MAP2K5: variants seen among roughly 807,000 people sequenced by gnomAD.
The protein encoded by MAP2K5 is mitogen-activated protein kinase kinase 5, also known as dual specificity mitogen-activated protein kinase kinase 5.
In MAP2K5, 49 loss-of-function variants were observed where a neutral mutation model predicts 83.1. That is an observed-to-expected ratio of 0.59 (90% CI 0.47 to 0.75). The LOEUF is 0.75. Ranked by LOEUF, MAP2K5 falls within the 30% of genes least tolerant of loss-of-function variation. The pLI is 0.00. For missense variants in MAP2K5, 457 were observed against 557.5 expected (o/e 0.82, Z 1.82); for synonymous variants, 202 against 191.8 (o/e 1.05, Z -0.44).
chr15:67,799,339 C>T (rs1161695139), intron 21 of MAP2K5, among the ~76,000 whole-genome samples: 1 of 152,252 alleles, frequency 6.6e-6, no homozygotes, highest in Non-Finnish European at 1.5e-5. Flanking sequence ...CCCCTGTGCC[C>T]TCAAGTGCAG....
rs560017851 is a variant in MAP2K5, at chr15:67,790,574, C to T, written c.1243-16072C>T. On this transcript the variant is annotated intron_variant, in intron 21 of 21. Transcript: ENST00000178640. The surrounding 1 kb of genome is among the most constrained non-coding windows in gnomAD (Gnocchi z 4.6). ...GGAATTCTAAACCCAGAAGTCTGCTCATTCTTGTTTTAAATGGGGAGCAAG... is the reference window on the plus strand; with the variant it reads ...GGAATTCTAAACCCAGAAGTCTGCTTATTCTTGTTTTAAATGGGGAGCAAG... Among the ~76,000 whole-genome samples the T allele has an allele frequency of 6.6e-6, 1 of 152,220 alleles. No homozygotes were observed. Among genetic ancestry groups the T allele is most frequent in the African/African-American group, 2.4e-5 (1 of 41,520 alleles).
chr15:67,574,588 G>A (rs1411441980), intron 3 of MAP2K5, among the ~76,000 whole-genome samples: 2 of 139,158 alleles, frequency 1.4e-5, no homozygotes, highest in African/African-American at 2.7e-5. Flanking sequence ...ACAAAATAAG[G>A]CCAGGTGCTG....
intron 19 of MAP2K5, among the ~76,000 whole-genome samples, chr15:67,759,752 C>T (rs1044261740): frequency 6.6e-6 from 1 of 152,052 alleles, no homozygotes; most frequent in Non-Finnish European, 1.5e-5. Context: ...CACATAACTG[C>T]GGGTGGTTAA....
At chr15:67,741,557 G>A (rs1011678513) in intron 17 of MAP2K5, among the ~76,000 whole-genome samples, 1 of 152,094 alleles carries the variant, frequency 6.6e-6, no homozygotes, top group African/African-American at 2.4e-5. Flanking sequence ...GTGCCCAGGG[G>A]ATTTAGATGT....
chr15:67,629,192 G>C, intron 8 of MAP2K5: 1 of 666,568 alleles, frequency 1.5e-6, no homozygotes, highest in Admixed American at 2.0e-5. Context: ...TGACGGGGAA[G>C]CTACAGGTTA....
At chr15:67,595,345 C>T (rs911545320) in intron 7 of MAP2K5, among the ~76,000 whole-genome samples, 1 of 152,204 alleles carries the variant, frequency 6.6e-6, no homozygotes, top group Non-Finnish European at 1.5e-5. Flanking sequence ...AGTCTCTGCT[C>T]TATAAAGTGG....
In MAP2K5 at chr15:67,768,341, A is replaced by G. The variant is rs2090080127; in HGVS notation, c.1135-1261A>G. Among the ~76,000 whole-genome samples the G allele has an allele frequency of 6.6e-6, 1 of 152,186 alleles. No individual in the cohort carries two copies. Among genetic ancestry groups the G allele is most frequent in the Non-Finnish European group, 1.5e-5 (1 of 68,032 alleles). On this transcript the variant is annotated intron_variant, in intron 19 of 21. Transcript: ENST00000178640. This position sits in a 1 kb window ranked among gnomAD's most constrained non-coding sequence, Gnocchi z 4.0. ...CGCATATTGCAGAGGTGCTTTTATC[A>G]TCTTCTTTTTTCCACTACATCAAAG...
intron 17 of MAP2K5, among the ~76,000 whole-genome samples, chr15:67,733,487 T>C (rs543270860): frequency 2.6e-5 from 4 of 152,270 alleles, no homozygotes; most frequent in Non-Finnish European, 5.9e-5. Context: ...TTGCAGTATA[T>C]GGAGAAGATC....
intron 6 of MAP2K5, among the ~76,000 whole-genome samples, chr15:67,589,909 G>A (rs1199648623): frequency 2.6e-5 from 4 of 152,044 alleles, no homozygotes; most frequent in African/African-American, 9.7e-5. Flanking sequence ...TATACCTAAA[G>A]TATAGTTATT....
chr15:67,715,649 A>C (rs1438576610), intron 16 of MAP2K5, among the ~76,000 whole-genome samples: 1 of 152,246 alleles, frequency 6.6e-6, no homozygotes, highest in Non-Finnish European at 1.5e-5. Context: ...GAAATTTAAA[A>C]AAAAGCAAAG....
rs1015467177 is a variant in MAP2K5, at chr15:67,577,511, C to T, written c.253-3243C>T. ...AAGGTTACTTTGTTACATTTCTGTCCAAGCTATTATGTTCAGTATCTTAGT... is the reference window on the plus strand; with the variant it reads ...AAGGTTACTTTGTTACATTTCTGTCTAAGCTATTATGTTCAGTATCTTAGT... On this transcript the variant is annotated intron_variant, in intron 3 of 21. Coordinates refer to ENST00000178640, the MANE Select transcript of MAP2K5 (RefSeq NM_145160.3). This position sits in a 1 kb window ranked among gnomAD's most constrained non-coding sequence, Gnocchi z 4.1. Among the ~76,000 whole-genome samples, 2 of 152,132 alleles carry T rather than the reference C, an allele frequency of 1.3e-5. No individual in the cohort carries two copies. The highest frequency in any genetic ancestry group is 4.8e-5 in the African/African-American group (2 of 41,428).
At chr15:67,688,399 A>G (rs2088012279) in intron 13 of MAP2K5, among the ~76,000 whole-genome samples, 1 of 152,192 alleles carries the variant, frequency 6.6e-6, no homozygotes, top group African/African-American at 2.4e-5. Flanking sequence ...AGCAAGTGTA[A>G]AACTAGGGAA....
At chr15:67,660,538 TC>T (rs1448425448) in intron 12 of MAP2K5, among the ~76,000 whole-genome samples, 14 of 152,204 alleles carry the variant, frequency 9.2e-5, no homozygotes, top group Middle Eastern at 3.4e-3. Context: ...TCCCTTGAGT[TC>T]CCTCATGGAG....
chr15:67,673,739 A>G (rs982581868), intron 13 of MAP2K5, among the ~76,000 whole-genome samples: 5 of 149,032 alleles, frequency 3.4e-5, no homozygotes, highest in African/African-American at 1.2e-4. Context: ...GCTTTGTAAC[A>G]ATCTGTTTTT....
intron 9 of MAP2K5, 82 bp from the exon 10 acceptor site, chr15:67,646,149 T>C: frequency 3.3e-6 from 2 of 609,922 alleles, no homozygotes; most frequent in Non-Finnish European, 5.7e-6. Context: ...GGAACTACCA[T>C]GTTTTTAGTT....
At chr15:67,596,174 C>T (rs2085522519) in intron 7 of MAP2K5, among the ~76,000 whole-genome samples, 1 of 152,140 alleles carries the variant, frequency 6.6e-6, no homozygotes, top group Non-Finnish European at 1.5e-5. Flanking sequence ...TGGCTCATGC[C>T]TGTAATCCCA....
At chr15:67,576,463 A>C (rs2085067369) in intron 3 of MAP2K5, among the ~76,000 whole-genome samples, 1 of 147,796 alleles carries the variant, frequency 6.8e-6, no homozygotes, top group Non-Finnish European at 1.5e-5. Flanking sequence ...GTTTCAAATT[A>C]ATTAGATTTT....
At chr15:67,688,918 G>C (rs1005398658) in intron 13 of MAP2K5, among the ~76,000 whole-genome samples, 1 of 152,106 alleles carries the variant, frequency 6.6e-6, no homozygotes, top group African/African-American at 2.4e-5. Context: ...GCTGGTAAAG[G>C]GGACATTTAT....
chr15:67,759,492 G>A (rs2089907288), intron 19 of MAP2K5, among the ~76,000 whole-genome samples: 3 of 151,794 alleles, frequency 2.0e-5, no homozygotes, highest in Non-Finnish European at 4.4e-5. Flanking sequence ...CCTGGGAGGT[G>A]GAGGTTCCGG....
Sources: gnomAD v4.1 joint callset for allele counts (sites outside exome capture counted in the v4.1 genomes callset) on GRCh38, gnomAD v4.1.1 for gene constraint, Gnocchi (gnomAD v3.1) non-coding constraint, MANE v1.5 for transcripts, NCBI Gene and HGNC (gene_info 2026-07-23, HGNC 2026-07-21) for gene names.